The following GSN variants were observed in gnomAD, a reference collection of about 807,000 sequenced individuals.
GSN encodes actin-depolymerizing factor.
Under a neutral mutation model 85.7 loss-of-function variants are expected in GSN, and 56 were observed. The ratio of observed to expected loss-of-function variants is 0.65; its 90% confidence interval spans 0.53 to 0.82. The LOEUF is 0.82. GSN is among the 40% of genes least tolerant of loss of function. The pLI is 0.00. For missense variants in GSN, 857 were observed against 979.8 expected (o/e 0.87, Z 1.67); for synonymous variants, 373 against 399.1 (o/e 0.93, Z 0.78).
At chr9:121,292,885 G>C (rs1268329105) in intron 2 of GSN, among the ~76,000 whole-genome samples, 1 of 152,152 alleles carries the variant, frequency 6.6e-6, no homozygotes, top group Non-Finnish European at 1.5e-5. Context: ...TGCGGGGCAT[G>C]GTCCACGGAT....
Position 121,317,253 on chromosome 9 carries a change from G to A in GSN, c.886+35G>A, listed in dbSNP as rs553742828. 7.5e-5 allele frequency: 121 copies of A among 1,611,340 alleles called. 1 individual carries two copies. The South Asian group carries it at 1.2e-3, about 16-fold the overall frequency. On this transcript the variant is annotated intron_variant, in intron 8 of 17. Coordinates refer to ENST00000432226, the MANE Select transcript of GSN (RefSeq NM_198252.3). ...ACAGGGAAAGGGTCCCAACTGGCCT[G>A]TAGGATCTTGGATGGGATGTTCTGC...
chr9:121,232,536 A>T (rs764773816), intron 5 of GSN, among the ~76,000 whole-genome samples: 1 of 152,082 alleles, frequency 6.6e-6, no homozygotes, highest in African/African-American at 2.4e-5. Flanking sequence ...CAATTTTGCA[A>T]CCTTTTTAAA....
chr9:121,301,877 G>A, intron 2 of GSN, 86 bp from the exon 3 acceptor site: 1 of 1,604,170 alleles, frequency 6.2e-7, no homozygotes, highest in South Asian at 1.1e-5. Flanking sequence ...AGATGCTCTT[G>A]GTGCTAGAAA....
chr9:121,264,270 T>TAG (rs149390481), upstream of GSN, among the ~76,000 whole-genome samples: 1,230 of 152,124 alleles, frequency 8.1e-3, 15 homozygotes, highest in African/African-American at 0.028. Flanking sequence ...TCTGGTAACA[T>TAG]AGAGAGACTT....
intron 4 of GSN, among the ~76,000 whole-genome samples, chr9:121,221,939 GCTT>G (rs1588422929): frequency 6.6e-6 from 1 of 152,194 alleles, no homozygotes; most frequent in African/African-American, 2.4e-5. Flanking sequence ...GGCCTGCCCT[GCTT>G]CTTAAGGGGT....
chr9:121,312,595 G>A (rs765306137), intron 6 of GSN, 107 bp downstream of exon 6: 17 of 818,728 alleles, frequency 2.1e-5, no homozygotes, highest in African/African-American at 3.5e-5. Context: ...AAAAACTTCC[G>A]CTCTACCCCA....
intron 5 of GSN, among the ~76,000 whole-genome samples, chr9:121,243,971 A>G (rs1464181159): frequency 6.6e-6 from 1 of 152,236 alleles, no homozygotes; most frequent in Non-Finnish European, 1.5e-5. Context: ...CATCACCCCA[A>G]GAAATTAATT....
At chr9:121,331,823 G>A in intron 17 of GSN, 1 of 204,808 alleles carries the variant, frequency 4.9e-6, no homozygotes, top group Non-Finnish European at 1.0e-5. Flanking sequence ...GGAGGCCAAG[G>A]CAGGAGGATC....
intron 5 of GSN, among the ~76,000 whole-genome samples, chr9:121,242,572 T>C (rs760273848): frequency 5.3e-5 from 8 of 152,174 alleles, no homozygotes; most frequent in Non-Finnish European, 1.0e-4. Flanking sequence ...TTTTATAAAA[T>C]ATATGTTAAA....
intron 2 of GSN, chr9:121,285,158 T>C (rs1205010363): frequency 6.0e-6 from 1 of 167,224 alleles, no homozygotes; most frequent in Non-Finnish European, 1.5e-5. Context: ...GGGGTGATAA[T>C]GGAGTTGGTG....
At chr9:121,282,506 A>G (rs1442714658) in intron 2 of GSN, 1 of 1,257,498 alleles carries the variant, frequency 8.0e-7, no homozygotes, top group Non-Finnish European at 1.0e-6. Flanking sequence ...AGATGGTGAC[A>G]TGAGCCACCC....
At chr9:121,276,215 G>A (rs997118359) in intron 1 of GSN, among the ~76,000 whole-genome samples, 5 of 152,218 alleles carry the variant, frequency 3.3e-5, no homozygotes, top group African/African-American at 1.2e-4. Flanking sequence ...TCAACCATTT[G>A]CACACATCTG....
chr9:121,220,332 A>C (rs747846), intron 4 of GSN, among the ~76,000 whole-genome samples: 107,242 of 152,144 alleles, frequency 0.7, 38,084 homozygotes, highest in East Asian at 0.81. Context: ...TATTTGGGGA[A>C]CTCCCCTAGC....
intron 13 of GSN, 146 bp downstream of exon 13, chr9:121,326,828 C>A: frequency 1.2e-6 from 1 of 830,696 alleles, no homozygotes. Context: ...CTGCCGTGGC[C>A]ACAGGGTTGT....
Position 121,326,846 on chromosome 9 carries a change from A to G in GSN, c.1587+164A>G, listed in dbSNP as rs1223932517. On this transcript the variant is annotated intron_variant, in intron 13 of 17. Coordinates refer to ENST00000432226, the MANE Select transcript of GSN (RefSeq NM_198252.3). ...CCGTGGCCACAGGGTTGTCTGTCTT[A>G]GACTCCCCCCTGTTTCAAGGATACC... 3 of 788,928 alleles carry G rather than the reference A, an allele frequency of 3.8e-6. No individual in the cohort carries two copies. In the East Asian group the frequency reaches 7.3e-5, roughly 19 times the overall value. 48.9% of individuals were successfully genotyped at this position (788,928 alleles called of 1,614,324 possible).
intron 2 of GSN, among the ~76,000 whole-genome samples, chr9:121,298,783 C>T (rs1225459584): frequency 6.6e-6 from 1 of 152,122 alleles, no homozygotes; most frequent in Non-Finnish European, 1.5e-5. Context: ...CAGTTGGATT[C>T]TGTGCAGTGC....
intron 1 of GSN, chr9:121,209,247 G>A (rs933412656): frequency 6.6e-6 from 1 of 152,264 alleles, no homozygotes; most frequent in African/African-American, 2.4e-5. Flanking sequence ...GAAGTGCTGA[G>A]TTGGGCATGA....
At chr9:121,230,385 A>G (rs2054363799) in intron 4 of GSN, among the ~76,000 whole-genome samples, 2 of 152,246 alleles carry the variant, frequency 1.3e-5, no homozygotes, top group African/African-American at 2.4e-5. Context: ...AAAGGACCTC[A>G]TGAAGAGATG....
intron 2 of GSN, chr9:121,282,152 T>C: frequency 2.1e-6 from 1 of 474,176 alleles, no homozygotes; most frequent in South Asian, 2.0e-5. Flanking sequence ...TGCAGAGTCC[T>C]GGGCTGGAAG....
Sources: allele counts gnomAD v4.1 joint callset (sites outside exome capture counted in the v4.1 genomes callset), GRCh38; gene constraint gnomAD v4.1.1; transcripts MANE v1.5; gene names NCBI Gene and HGNC (gene_info 2026-07-23, HGNC 2026-07-21).